Variants in RASA3 observed in about 807,000 individuals in gnomAD.
RASA3 encodes the protein ras GTPase-activating protein 3.
Under a neutral mutation model 110.0 loss-of-function variants are expected in RASA3, and 73 were observed. The ratio of observed to expected loss-of-function variants is 0.66; its 90% confidence interval spans 0.55 to 0.81. The LOEUF is 0.81. Ranked by LOEUF, RASA3 falls within the 30% of genes least tolerant of loss-of-function variation. The probability of loss-of-function intolerance (pLI) is 0.00; values close to 1 mark genes in which losing one functional copy is unlikely to be tolerated. For missense variants in RASA3, 976 were observed against 1,113.2 expected, an observed-to-expected ratio of 0.88 and a Z score of 1.75; for synonymous variants, 500 against 451.4, an observed-to-expected ratio of 1.11 and a Z score of -1.37.
At chr13:113,998,624 T>A (rs2053310646) in intron 20 of RASA3, among the ~76,000 whole-genome samples, 1 of 152,192 alleles carries the variant, frequency 6.6e-6, no homozygotes, top group Non-Finnish European at 1.5e-5. Flanking sequence ...CGGCCGACTC[T>A]GGGAGGCCAC....
intron 16 of RASA3, 49 bp from the exon 17 acceptor site, chr13:114,009,513 C>CAT: frequency 7.9e-7 from 1 of 1,273,388 alleles, no homozygotes; most frequent in Non-Finnish European, 1.1e-6. Context: ...TACCTCGGCT[C>CAT]ACGGCCCAAA....
intron 1 of RASA3, among the ~76,000 whole-genome samples, chr13:114,087,690 G>A (rs1186054969): frequency 6.6e-6 from 1 of 152,212 alleles, no homozygotes; most frequent in African/African-American, 2.4e-5. Context: ...ACGGCTCCCG[G>A]GGCCAGCAGG....
intron 1 of RASA3, among the ~76,000 whole-genome samples, chr13:114,100,317 C>T (rs1488001168): frequency 6.6e-6 from 1 of 152,114 alleles, no homozygotes; most frequent in African/African-American, 2.4e-5. Flanking sequence ...ACCCTCAGAG[C>T]TTCGGCCATG....
In RASA3 at chr13:114,102,399, C is replaced by T. The variant is rs369152227; in HGVS notation, c.56-28562G>A. 8.7e-4 allele frequency among the ~76,000 whole-genome samples: 132 copies of T among 152,066 alleles called. 1 individual carries two copies. The South Asian group carries it at 0.026, about 29-fold the overall frequency. On this transcript the variant is annotated intron_variant, in intron 1 of 23. Coordinates refer to ENST00000334062, the MANE Select transcript of RASA3 (RefSeq NM_007368.4). ...AGGAAGAGAGACGGAGACAGAGAGACGGTGAGAGGGAGAGGGACAGAGAGG... is the reference window on the plus strand; with the variant it reads ...AGGAAGAGAGACGGAGACAGAGAGATGGTGAGAGGGAGAGGGACAGAGAGG...
intron 2 of RASA3, among the ~76,000 whole-genome samples, chr13:114,060,766 C>T (rs1272597948): frequency 1.3e-5 from 2 of 152,220 alleles, no homozygotes; most frequent in East Asian, 1.9e-4. Flanking sequence ...GCAGTGTTAT[C>T]AGTGGTCAGC....
intron 18 of RASA3, among the ~76,000 whole-genome samples, chr13:114,005,700 G>A (rs1352538049): frequency 2.6e-5 from 4 of 152,120 alleles, no homozygotes; most frequent in Non-Finnish European, 5.9e-5. Context: ...CTTCTGGAAT[G>A]TGCTGGGTGC....
intron 9 of RASA3, among the ~76,000 whole-genome samples, chr13:114,019,758 G>A (rs1461096401): frequency 6.6e-6 from 1 of 150,740 alleles, no homozygotes; most frequent in African/African-American, 2.4e-5. Flanking sequence ...CCCGTCAGGT[G>A]GGTGGAGCCT....
chr13:113,979,449 G>T, intron 23 of RASA3, 27 bp from the exon 24 acceptor site: 1 of 1,542,762 alleles, frequency 6.5e-7, no homozygotes, highest in Non-Finnish European at 9.0e-7. Flanking sequence ...GAGAGGGAAT[G>T]AGGCACAGAC....
chr13:114,067,495 C>A (rs118185944), intron 2 of RASA3, among the ~76,000 whole-genome samples: 1 of 152,216 alleles, frequency 6.6e-6, no homozygotes, highest in Non-Finnish European at 1.5e-5. Flanking sequence ...TTAAAAGCAT[C>A]TGAGAGAATG....
intron 1 of RASA3, among the ~76,000 whole-genome samples, chr13:114,130,534 AC>A (rs1473929170): frequency 2.0e-5 from 3 of 152,038 alleles, no homozygotes; most frequent in Non-Finnish European, 2.9e-5. Context: ...AGGGTGCCTG[AC>A]CCCCACGCCT....
chr13:114,089,103 G>A (rs2079857409), intron 1 of RASA3, among the ~76,000 whole-genome samples: 1 of 152,022 alleles, frequency 6.6e-6, no homozygotes, highest in Non-Finnish European at 1.5e-5. Context: ...GCAGGGCTCT[G>A]TCCCCTAAGC....
chr13:114,011,237 C>A lies in RASA3; in HGVS notation c.1524G>T (p.Thr508=), dbSNP rs202142638. The change falls in exon 16 of 24, where the codon ACG becomes ACT. Residue 508 remains threonine, a synonymous_variant. Coordinates refer to ENST00000334062, the MANE Select transcript of RASA3 (RefSeq NM_007368.4). This position sits in a 1 kb window ranked among gnomAD's most constrained non-coding sequence, Gnocchi z 4.8. ...QLTPHHTDPQ[T]SRTLTLISKT... ...TGGAGATCAATGTCAGCGTCCTGGA[C>A]GTCTGGGGGTCCTGGGGAGGCGGGA... 2 of 1,612,360 alleles carry A rather than the reference C, an allele frequency of 1.2e-6. No homozygotes were observed. The highest frequency in any genetic ancestry group is 1.7e-6 in the Non-Finnish European group (2 of 1,179,510).
chr13:114,017,638 G>A (rs374973695), intron 11 of RASA3, among the ~76,000 whole-genome samples: 39 of 152,318 alleles, frequency 2.6e-4, no homozygotes, highest in East Asian at 2.5e-3. Flanking sequence ...TCCCCTCTGC[G>A]GCCTCTGCCT....
chr13:114,089,398 C>A (rs1487243062), intron 1 of RASA3, among the ~76,000 whole-genome samples: 2 of 151,800 alleles, frequency 1.3e-5, no homozygotes, highest in African/African-American at 4.8e-5. Context: ...ACAACCTGAT[C>A]TTCCCTGGCA....
chr13:114,083,502 C>T (rs1188614633), intron 1 of RASA3, among the ~76,000 whole-genome samples: 1 of 152,154 alleles, frequency 6.6e-6, no homozygotes, highest in Non-Finnish European at 1.5e-5. Flanking sequence ...CGTGAAATCA[C>T]AGGAAGTGCT....
chr13:114,041,247 C>G (rs1169197035), intron 3 of RASA3, among the ~76,000 whole-genome samples, 153 bp from the exon 4 acceptor site: 1 of 152,256 alleles, frequency 6.6e-6, no homozygotes, highest in Non-Finnish European at 1.5e-5. Flanking sequence ...TGCCTGGAAC[C>G]CCCACGCTTG....
intron 4 of RASA3, among the ~76,000 whole-genome samples, chr13:114,031,607 CTGTG>C (rs1283140141): frequency 3.9e-5 from 6 of 151,970 alleles, no homozygotes; most frequent in Admixed American, 6.5e-5. Flanking sequence ...TGTGCACCGC[CTGTG>C]TGTATGTGTG....
intron 4 of RASA3, among the ~76,000 whole-genome samples, chr13:114,031,097 G>A (rs1409220771): frequency 9.0e-6 from 1 of 111,556 alleles, no homozygotes; most frequent in Non-Finnish European, 1.8e-5. Context: ...GTGTGTGCAT[G>A]TGATTGTGTG....
At chr13:114,070,468 C>T (rs892612213) in intron 2 of RASA3, among the ~76,000 whole-genome samples, 6 of 152,134 alleles carry the variant, frequency 3.9e-5, no homozygotes, top group African/African-American at 1.2e-4. Context: ...TATGAGAGAG[C>T]CAGCTTTTGG....
Sources: allele counts gnomAD v4.1 joint callset (sites outside exome capture counted in the v4.1 genomes callset), GRCh38; gene constraint gnomAD v4.1.1; non-coding constraint Gnocchi (gnomAD v3.1); transcripts MANE v1.5; gene names NCBI Gene and HGNC (gene_info 2026-07-23, HGNC 2026-07-21).